The following RNF217 variants were observed in gnomAD, a reference collection of about 807,000 sequenced individuals.
The protein encoded by RNF217 is ring finger protein 217.
RNF217 carries 31 observed loss-of-function variants against 57.8 expected under a neutral mutation model. That is an observed-to-expected ratio of 0.54 (90% CI 0.40 to 0.72). The LOEUF (loss-of-function observed/expected upper bound fraction) is 0.72. Among genes scored for constraint, RNF217 ranks in the 30% least tolerant of loss-of-function variants. RNF217 has a pLI of 0.00. For missense variants in RNF217, 696 were observed against 708.3 expected (o/e 0.98, Z 0.20); for synonymous variants, 313 against 294.0 (o/e 1.06, Z -0.66).
intron 1 of RNF217, among the ~76,000 whole-genome samples, chr6:124,979,662 G>T (rs1784086315): frequency 6.7e-6 from 1 of 149,420 alleles, no homozygotes. Context: ...AGGTAATAGG[G>T]TCAGATAGTA....
At position 124,962,491 on chromosome 6, in the gene RNF217, G is replaced by C. The variant is rs1317696053; in HGVS notation, c.-54G>C. 7 of 937,410 alleles carry C rather than the reference G, an allele frequency of 7.5e-6. No individual in the cohort carries two copies. The highest frequency in any genetic ancestry group is 9.3e-6 in the Non-Finnish European group (7 of 748,998). The allele number at this position is 937,410 out of a possible 1,614,324, so 58.1% of individuals were successfully genotyped here. On this transcript the variant is annotated 5_prime_UTR_variant, in exon 1 of 6. Coordinates refer to ENST00000521654, the MANE Select transcript of RNF217 (RefSeq NM_001286398.3). The surrounding 1 kb of genome is among the most constrained non-coding windows in gnomAD (Gnocchi z 4.6). ...ACTGCCCCCGCTGCCCGCGGGCGCC[G>C]GGTGGGGGTCCCGGCGGCTGGATGG...
intron 2 of RNF217, among the ~76,000 whole-genome samples, chr6:125,051,691 T>C (rs943295500): frequency 1.3e-5 from 2 of 152,044 alleles, no homozygotes; most frequent in East Asian, 1.9e-4. Flanking sequence ...CCTTCACTTA[T>C]TGGTCACAGA....
chr6:124,963,439 C>A lies in RNF217; in HGVS notation c.882+13C>A. On this transcript the variant is annotated intron_variant, in intron 1 of 5. Coordinates refer to ENST00000521654, the MANE Select transcript of RNF217 (RefSeq NM_001286398.3). ...CCTGAGCGCCCAGGTAACTTCACCCCCTTCTCTTCCCCATTTATCATTCCA... is the reference window on the plus strand; with the variant it reads ...CCTGAGCGCCCAGGTAACTTCACCCACTTCTCTTCCCCATTTATCATTCCA... 1.4e-6 allele frequency: 2 copies of A among 1,447,676 alleles called. No homozygotes were observed. The highest frequency in any genetic ancestry group is 1.8e-6 in the Non-Finnish European group (2 of 1,104,478). 89.7% of individuals were successfully genotyped at this position (1,447,676 alleles called of 1,614,324 possible).
chr6:124,977,978 G>C (rs1035634365), intron 1 of RNF217, among the ~76,000 whole-genome samples: 1 of 152,088 alleles, frequency 6.6e-6, no homozygotes, highest in Non-Finnish European at 1.5e-5. Flanking sequence ...AATCAAAAGG[G>C]AGGAGAGCTG....
chr6:125,056,392 C>G (rs1374739215), intron 2 of RNF217, among the ~76,000 whole-genome samples: 1 of 152,086 alleles, frequency 6.6e-6, no homozygotes, highest in Non-Finnish European at 1.5e-5. Flanking sequence ...TAGACATTAT[C>G]ATTGAACAGA....
At chr6:124,980,005 A>G (rs1045231729) in intron 1 of RNF217, among the ~76,000 whole-genome samples, 1 of 152,172 alleles carries the variant, frequency 6.6e-6, no homozygotes, top group Non-Finnish European at 1.5e-5. Flanking sequence ...CAGCCTTTCT[A>G]TTGAGACATG....
chr6:124,973,651 G>A (rs1387738899), intron 1 of RNF217, among the ~76,000 whole-genome samples: 2 of 152,192 alleles, frequency 1.3e-5, no homozygotes, highest in Admixed American at 6.5e-5. Flanking sequence ...TTAGATTGGT[G>A]CAAAAGTAAT....
chr6:125,068,361 G>T (rs1788013815), intron 3 of RNF217, among the ~76,000 whole-genome samples: 1 of 152,116 alleles, frequency 6.6e-6, no homozygotes, highest in African/African-American at 2.4e-5. Context: ...CTGGAGAACT[G>T]CTACTTGTCC....
intron 1 of RNF217, among the ~76,000 whole-genome samples, chr6:125,028,912 A>G (rs2114456649): frequency 6.6e-6 from 1 of 152,104 alleles, no homozygotes; most frequent in South Asian, 2.1e-4. Flanking sequence ...TTCTTAAGTG[A>G]ATTATTTCAA....
chr6:125,043,707 T>C (rs1031646028), intron 1 of RNF217, among the ~76,000 whole-genome samples: 1 of 152,056 alleles, frequency 6.6e-6, no homozygotes, highest in Non-Finnish European at 1.5e-5. Context: ...ATTTGAATTA[T>C]AATAGCATCG....
chr6:125,073,494 C>T (rs1309948105), intron 3 of RNF217, among the ~76,000 whole-genome samples: 1 of 152,156 alleles, frequency 6.6e-6, no homozygotes, highest in Non-Finnish European at 1.5e-5. Flanking sequence ...CTTGCAAAAC[C>T]TGGATCCACT....
rs529164184 is a variant in RNF217 at position 125,008,060 on chromosome 6, TC to T, written c.883-37148del. Among the ~76,000 whole-genome samples the T allele has an allele frequency of 2.6e-5, 4 of 151,998 alleles. No homozygotes were observed. The South Asian group carries it at 8.3e-4, about 32-fold the overall frequency. On this transcript the variant is annotated intron_variant, in intron 1 of 5. Transcript: ENST00000521654. Reference sequence around the variant, plus strand: ...TCACGAGGTCAGTAGATCAAGACCATCCCGGCTGACATGGTGAAACCCCGTC... The same window carrying T: ...TCACGAGGTCAGTAGATCAAGACCATCCGGCTGACATGGTGAAACCCCGTC...
At chr6:125,047,109 G>A (rs543002532) in intron 2 of RNF217, among the ~76,000 whole-genome samples, 72 of 152,154 alleles carry the variant, frequency 4.7e-4, no homozygotes, top group South Asian at 8.3e-4. Flanking sequence ...ACTAGTTTTA[G>A]AAGGACTCGT....
At position 124,963,045 on chromosome 6, in the gene RNF217, C is replaced by A; in HGVS notation, c.501C>A (p.Tyr167Ter). The change falls in exon 1 of 6, where the codon TAC becomes TAA. Residue 167 changes from tyrosine (Y) to a stop codon, truncating the protein, a stop_gained. Coordinates refer to ENST00000521654, the MANE Select transcript of RNF217 (RefSeq NM_001286398.3). LOFTEE classifies it high-confidence loss of function. ...AGAGACAAGTCTTCTGCTCCGTGTA[C>A]TGCGTGGAGAGCGACCTGCCCGAGG... The part of the protein sequence containing the change: ...LAKRQVFCSV[Y>*]CVESDLPEAP... The A allele has an allele frequency of 6.3e-7, 1 of 1,584,758 alleles. No individual in the cohort carries two copies. The highest frequency in any genetic ancestry group is 8.5e-7 in the Non-Finnish European group (1 of 1,173,690).
intron 1 of RNF217, among the ~76,000 whole-genome samples, chr6:125,017,746 CTG>C (rs1317498374): frequency 6.6e-6 from 1 of 152,056 alleles, no homozygotes; most frequent in African/African-American, 2.4e-5. Context: ...TATTAACTGA[CTG>C]TATTTTTTTA....
chr6:125,036,434 A>G (rs1786621090), intron 1 of RNF217, among the ~76,000 whole-genome samples: 1 of 152,184 alleles, frequency 6.6e-6, no homozygotes, highest in Non-Finnish European at 1.5e-5. Flanking sequence ...TCCTTTGGGT[A>G]TATACCCAGT....
intron 3 of RNF217, among the ~76,000 whole-genome samples, chr6:125,061,775 T>C (rs909969604): frequency 1.3e-5 from 2 of 152,002 alleles, no homozygotes; most frequent in African/African-American, 4.8e-5. Context: ...TACATATCTT[T>C]GTATATCTTT....
intron 1 of RNF217, among the ~76,000 whole-genome samples, chr6:125,038,666 A>G (rs1786746533): frequency 6.6e-6 from 1 of 152,104 alleles, no homozygotes; most frequent in Admixed American, 6.6e-5. Flanking sequence ...ACAAATCCCA[A>G]TTTGCTAGAA....
intron 1 of RNF217, among the ~76,000 whole-genome samples, chr6:124,976,228 G>A (rs1233901926): frequency 1.3e-5 from 2 of 151,680 alleles, no homozygotes; most frequent in Admixed American, 6.6e-5. Context: ...ATGTATTACC[G>A]GCGTAGTTTC....
Sources: gnomAD v4.1 joint callset for allele counts (sites outside exome capture counted in the v4.1 genomes callset) on GRCh38, gnomAD v4.1.1 for gene constraint, Gnocchi (gnomAD v3.1) non-coding constraint, MANE v1.5 for transcripts, NCBI Gene and HGNC (gene_info 2026-07-23, HGNC 2026-07-21) for gene names.